The following CNOT4 variants were observed in gnomAD, a reference collection of about 807,000 sequenced individuals.
CNOT4 encodes the protein CCR4-NOT transcription complex subunit 4, also known as CCR4-associated factor 4.
CNOT4 carries 8 observed loss-of-function variants against 73.8 expected under a neutral mutation model. The observed-to-expected ratio is 0.11, with a 90% CI of 0.06 to 0.20. The LOEUF is 0.20. CNOT4 is among the 10% of genes least tolerant of loss of function. CNOT4 has a pLI of 1.00. For synonymous variants in CNOT4, 293 were observed against 321.1 expected (o/e 0.91, Z 0.94); for missense variants, 564 against 883.4 (o/e 0.64, Z 4.58).
intron 1 of CNOT4, among the ~76,000 whole-genome samples, chr7:135,473,645 G>A (rs148800483): frequency 6.6e-6 from 1 of 152,270 alleles, no homozygotes; most frequent in African/African-American, 2.4e-5. Flanking sequence ...TACTTGGGAG[G>A]CTAAGGTGAG....
At chr7:135,375,447 A>C (rs1354831680) in intron 10 of CNOT4, among the ~76,000 whole-genome samples, 1 of 152,200 alleles carries the variant, frequency 6.6e-6, no homozygotes, top group Non-Finnish European at 1.5e-5. Flanking sequence ...TACCTAGCAA[A>C]GTACGAAGCT....
At chr7:135,373,729 A>C (rs1795351986) in intron 10 of CNOT4, among the ~76,000 whole-genome samples, 1 of 150,460 alleles carries the variant, frequency 6.6e-6, no homozygotes, top group Non-Finnish European at 1.5e-5. Flanking sequence ...GGCAAGTGCC[A>C]CCAAGCCCAG....
intron 1 of CNOT4, among the ~76,000 whole-genome samples, chr7:135,450,379 C>T (rs906439483): frequency 8.6e-5 from 13 of 151,952 alleles, no homozygotes; most frequent in Non-Finnish European, 1.5e-4. Context: ...AGTGCAGTGG[C>T]GTGATCTCGG....
chr7:135,459,811 T>G (rs1800763248), intron 1 of CNOT4, among the ~76,000 whole-genome samples: 1 of 152,232 alleles, frequency 6.6e-6, no homozygotes, highest in South Asian at 2.1e-4. Flanking sequence ...AGCCAGGCAC[T>G]GACTTCTCCT....
intron 7 of CNOT4, among the ~76,000 whole-genome samples, chr7:135,409,789 C>T (rs536805966): frequency 4.6e-5 from 7 of 152,086 alleles, no homozygotes; most frequent in Non-Finnish European, 1.0e-4. Context: ...AAACCTAACA[C>T]ATCAAATTTA....
chr7:135,463,190 A>C (rs1800983983), intron 1 of CNOT4, among the ~76,000 whole-genome samples: 1 of 152,186 alleles, frequency 6.6e-6, no homozygotes, highest in African/African-American at 2.4e-5. Flanking sequence ...TATACCATGC[A>C]CAAAAACTAA....
At chr7:135,409,981 T>C (rs1322911804) in intron 7 of CNOT4, among the ~76,000 whole-genome samples, 4 of 152,108 alleles carry the variant, frequency 2.6e-5, no homozygotes, top group Non-Finnish European at 5.9e-5. Context: ...CATAATGAGA[T>C]GGAAGATAGG....
intron 1 of CNOT4, among the ~76,000 whole-genome samples, chr7:135,482,272 T>C (rs1423796866): frequency 2.0e-5 from 3 of 151,950 alleles, no homozygotes; most frequent in African/African-American, 7.3e-5. Context: ...AATAAAGAAA[T>C]CCTAGGAGTG....
chr7:135,457,081 A>C (rs1235130425), intron 1 of CNOT4, among the ~76,000 whole-genome samples: 1 of 152,094 alleles, frequency 6.6e-6, no homozygotes, highest in Non-Finnish European at 1.5e-5. Context: ...AATGGAAACA[A>C]AGTAAAATTG....
chr7:135,486,887 C>A (rs552032016), intron 1 of CNOT4, among the ~76,000 whole-genome samples: 1 of 152,078 alleles, frequency 6.6e-6, no homozygotes, highest in East Asian at 1.9e-4. Context: ...AGAGAGCCAA[C>A]AGAAATCAGT....
rs1796638373 is a variant in CNOT4 at position 135,395,644 on chromosome 7, G to A, written c.1119C>T (p.Leu373=). 2 of 1,613,786 alleles carry A rather than the reference G, an allele frequency of 1.2e-6. No individual in the cohort carries two copies. Among genetic ancestry groups the A allele is most frequent in the African/African-American group, 1.3e-5 (1 of 74,934 alleles). The change falls in exon 9 of 12, where the codon CTC becomes CTT. Residue 373 remains leucine (L), a synonymous_variant. Coordinates refer to ENST00000541284, the MANE Select transcript of CNOT4 (RefSeq NM_001190850.2). ...ACTATTGTTATATACCTGATGTGAA[G>A]AGGCTCTGTGGTTCTGGTGCTGTAG... The part of the protein sequence containing the change: ...DWPTAPEPQS[L]FTSETIPVSS...
chr7:135,403,437 T>C (rs1797104973), intron 7 of CNOT4, among the ~76,000 whole-genome samples: 1 of 152,186 alleles, frequency 6.6e-6, no homozygotes, highest in African/African-American at 2.4e-5. Context: ...CATGGCCACA[T>C]CTAAGTGGCA....
intron 10 of CNOT4, among the ~76,000 whole-genome samples, chr7:135,371,220 A>G (rs976238977): frequency 6.6e-6 from 1 of 152,228 alleles, no homozygotes; most frequent in Non-Finnish European, 1.5e-5. Flanking sequence ...GCAGTCAGCA[A>G]TTAAAATCAG....
chr7:135,425,039 C>G (rs1298629580), intron 2 of CNOT4, among the ~76,000 whole-genome samples: 3 of 152,184 alleles, frequency 2.0e-5, no homozygotes, highest in Non-Finnish European at 4.4e-5. Flanking sequence ...ACATTCAGGT[C>G]CATCACCAGT....
At position 135,397,721 on chromosome 7, in the gene CNOT4, T is replaced by G. The variant is rs566782402; in HGVS notation, c.879+448A>C. On this transcript the variant is annotated intron_variant, in intron 8 of 11. Transcript: ENST00000541284. ...TTCAACTTTGAACAGTTTATCTGGC[T>G]TATCATTTCAAAGCTGATAGTCATT... Among the ~76,000 whole-genome samples the G allele has an allele frequency of 2.0e-5, 3 of 152,254 alleles. No individual in the cohort carries two copies. In the South Asian group the frequency reaches 6.2e-4, roughly 32 times the overall value.
At chr7:135,388,936 T>C in intron 10 of CNOT4, 1 of 1,593,256 alleles carries the variant, frequency 6.3e-7, no homozygotes, top group African/African-American at 1.3e-5. Context: ...GGTGACTAGA[T>C]TTGTTAACAG....
chr7:135,405,728 T>A (rs780448878), intron 7 of CNOT4, among the ~76,000 whole-genome samples: 1 of 152,202 alleles, frequency 6.6e-6, no homozygotes, highest in Non-Finnish European at 1.5e-5. Flanking sequence ...AAATATATTA[T>A]AGAAAAATTC....
intron 1 of CNOT4, among the ~76,000 whole-genome samples, chr7:135,480,263 C>T (rs1341699698): frequency 2.6e-5 from 4 of 152,190 alleles, no homozygotes; most frequent in African/African-American, 9.7e-5. Context: ...TTTTCAGTTG[C>T]CCAGTGCCAA....
chr7:135,369,577 C>T (rs904570246), intron 10 of CNOT4, among the ~76,000 whole-genome samples: 4 of 152,230 alleles, frequency 2.6e-5, no homozygotes, highest in South Asian at 2.1e-4. Flanking sequence ...TTCAAAACCA[C>T]AGGCTCCAGT....
Sources: gnomAD v4.1 joint callset for allele counts (sites outside exome capture counted in the v4.1 genomes callset) on GRCh38, gnomAD v4.1.1 for gene constraint, MANE v1.5 for transcripts, NCBI Gene and HGNC (gene_info 2026-07-23, HGNC 2026-07-21) for gene names.